The following CAMK2D variants were observed in gnomAD, a reference collection of about 807,000 sequenced individuals.
CAMK2D encodes the protein calcium/calmodulin dependent protein kinase II delta, also known as calcium/calmodulin-dependent protein kinase type II subunit delta.
In CAMK2D, 37 loss-of-function variants were observed where a neutral mutation model predicts 84.0. The observed-to-expected ratio is 0.44, with a 90% confidence interval of 0.34 to 0.58. CAMK2D has a LOEUF of 0.58. Ranked by LOEUF, CAMK2D falls within the 20% of genes least tolerant of loss-of-function variation. The pLI is 0.02. For synonymous variants in CAMK2D, 202 were observed against 212.5 expected (o/e 0.95, Z 0.43); for missense variants, 448 against 652.5 (o/e 0.69, Z 3.41).
chr4:113,521,998 C>T (rs538132872), intron 8 of CAMK2D, among the ~76,000 whole-genome samples: 4 of 152,184 alleles, frequency 2.6e-5, no homozygotes, highest in Non-Finnish European at 5.9e-5. Flanking sequence ...AACTAGTTTT[C>T]CTTATCTTAT....
intron 2 of CAMK2D, among the ~76,000 whole-genome samples, chr4:113,718,740 C>G (rs1290213773): frequency 6.6e-6 from 1 of 152,170 alleles, no homozygotes; most frequent in African/African-American, 2.4e-5. Flanking sequence ...CAGGGATGAA[C>G]AAGGACAGCT....
chr4:113,536,492 T>G (rs573680572), intron 7 of CAMK2D, among the ~76,000 whole-genome samples: 1 of 152,308 alleles, frequency 6.6e-6, no homozygotes, highest in South Asian at 2.1e-4. Context: ...TTGTTGTTGT[T>G]GCTCAGAGGA....
chr4:113,541,277 T>G (rs1480974636), intron 6 of CAMK2D, among the ~76,000 whole-genome samples: 13 of 152,198 alleles, frequency 8.5e-5, no homozygotes. Context: ...AATTCCTTCC[T>G]TTTAAAGACG....
intron 2 of CAMK2D, among the ~76,000 whole-genome samples, chr4:113,663,977 A>G (rs2099247737): frequency 6.6e-6 from 1 of 152,186 alleles, no homozygotes; most frequent in Non-Finnish European, 1.5e-5. Context: ...TGAGGTCATT[A>G]TTGTGGGCTC....
intron 16 of CAMK2D, among the ~76,000 whole-genome samples, chr4:113,478,944 T>TGGGA (rs1183378366): frequency 6.6e-6 from 1 of 152,162 alleles, no homozygotes; most frequent in African/African-American, 2.4e-5. Flanking sequence ...TATCCCAACT[T>TGGGA]TTCCTGAAAT....
intron 2 of CAMK2D, among the ~76,000 whole-genome samples, chr4:113,666,456 T>A (rs1369101733): frequency 6.6e-6 from 1 of 152,024 alleles, no homozygotes; most frequent in Non-Finnish European, 1.5e-5. Context: ...GCTACAGAGG[T>A]GTGAAAACCC....
intron 4 of CAMK2D, among the ~76,000 whole-genome samples, chr4:113,589,246 G>C (rs1424371904): frequency 6.6e-6 from 1 of 152,178 alleles, no homozygotes; most frequent in Admixed American, 6.5e-5. Context: ...AAGACTATAT[G>C]AAGGTGAGGG....
At chr4:113,527,510 C>T (rs1453408759) in intron 8 of CAMK2D, among the ~76,000 whole-genome samples, 1 of 151,986 alleles carries the variant, frequency 6.6e-6, no homozygotes, top group Non-Finnish European at 1.5e-5. Context: ...ACTGGGAAAC[C>T]AAACAATTTG....
chr4:113,735,013 T>C (rs562234920), intron 2 of CAMK2D, among the ~76,000 whole-genome samples: 1 of 150,798 alleles, frequency 6.6e-6, no homozygotes, highest in Admixed American at 6.6e-5. Context: ...TTCCGAAAAC[T>C]ACCCAAGACA....
intron 6 of CAMK2D, among the ~76,000 whole-genome samples, chr4:113,546,170 C>T (rs1261183516): frequency 6.6e-6 from 1 of 151,962 alleles, no homozygotes; most frequent in Non-Finnish European, 1.5e-5. Flanking sequence ...ATAGAAGTGT[C>T]TGAAAAAAAA....
chr4:113,756,814 TC>T (rs777108874), intron 2 of CAMK2D, among the ~76,000 whole-genome samples: 1 of 152,098 alleles, frequency 6.6e-6, no homozygotes, highest in Non-Finnish European at 1.5e-5. Flanking sequence ...CATGGTATTT[TC>T]TTCTTCAAGA....
chr4:113,495,223 A>T (rs2154144033), intron 16 of CAMK2D, among the ~76,000 whole-genome samples: 2 of 152,358 alleles, frequency 1.3e-5, no homozygotes, highest in Admixed American at 1.3e-4. Flanking sequence ...TAGAAACCTG[A>T]AAGAAGTTAT....
intron 11 of CAMK2D, 28 bp from the exon 12 acceptor site, chr4:113,513,398 C>T: frequency 2.1e-6 from 3 of 1,448,964 alleles, no homozygotes; most frequent in Non-Finnish European, 2.9e-6. Flanking sequence ...ACACAAAAGT[C>T]AGTGTTGCCT....
chr4:113,685,320 C>T (rs2099356823), intron 2 of CAMK2D, among the ~76,000 whole-genome samples: 1 of 151,682 alleles, frequency 6.6e-6, no homozygotes, highest in Non-Finnish European at 1.5e-5. Flanking sequence ...CTCACTGCAG[C>T]CTCTGCCTCC....
At chr4:113,522,523 G>T (rs912630070) in intron 8 of CAMK2D, among the ~76,000 whole-genome samples, 1 of 152,160 alleles carries the variant, frequency 6.6e-6, no homozygotes, top group African/African-American at 2.4e-5. Context: ...AGATAGGAAG[G>T]CATGTTTCAG....
intron 2 of CAMK2D, among the ~76,000 whole-genome samples, chr4:113,717,116 A>T (rs186314777): frequency 2.6e-5 from 4 of 152,258 alleles, no homozygotes; most frequent in African/African-American, 9.6e-5. Flanking sequence ...AGCCACTGGG[A>T]TATGTTTTTT....
At chr4:113,576,623 A>G (rs1247646408) in intron 4 of CAMK2D, among the ~76,000 whole-genome samples, 1 of 152,136 alleles carries the variant, frequency 6.6e-6, no homozygotes, top group Non-Finnish European at 1.5e-5. Flanking sequence ...ACTGAGCATT[A>G]AGTTTAACTC....
rs2099640581 is a variant in CAMK2D, at chr4:113,761,128, G to A, written c.-60C>T. On this transcript the variant is annotated 5_prime_UTR_variant, in exon 1 of 21. Coordinates refer to ENST00000511664, the MANE Select transcript of CAMK2D (RefSeq NM_001321571.2). ...ACGGACCAGAAGCGAGCAGACGCGC[G>A]GCTAACCCCGGGACTGGCCCCGCGG... is the stretch of plus-strand genomic sequence containing the variant. 2 of 1,610,572 alleles carry A rather than the reference G, an allele frequency of 1.2e-6. No individual in the cohort carries two copies. The highest frequency in any genetic ancestry group is 8.5e-7 in the Non-Finnish European group (1 of 1,179,812).
chr4:113,755,845 T>G (rs2099627331), intron 2 of CAMK2D, among the ~76,000 whole-genome samples: 1 of 152,034 alleles, frequency 6.6e-6, no homozygotes, highest in African/African-American at 2.4e-5. Context: ...TTTCTAATTC[T>G]CATGAAAATA....
Sources: gnomAD v4.1 joint callset for allele counts (sites outside exome capture counted in the v4.1 genomes callset) on GRCh38, gnomAD v4.1.1 for gene constraint, MANE v1.5 for transcripts, NCBI Gene and HGNC (gene_info 2026-07-23, HGNC 2026-07-21) for gene names.